Variants in NACA observed in about 807,000 individuals in gnomAD.
NACA encodes nascent polypeptide associated complex subunit alpha, also known as nascent polypeptide-associated complex subunit alpha.
In NACA, 42 loss-of-function variants were observed where a neutral mutation model predicts 86.4. The ratio of observed to expected loss-of-function variants is 0.49; its 90% confidence interval spans 0.38 to 0.63. The LOEUF is 0.63. Among genes scored for constraint, NACA ranks in the 20% least tolerant of loss-of-function variants. The pLI is 0.00. For missense variants in NACA, 2,157 were observed against 2,483.6 expected (o/e 0.87, Z 2.80); for synonymous variants, 898 against 973.7 (o/e 0.92, Z 1.45).
At chr12:56,714,850 T>A in intron 3 of NACA, 163 bp from the exon 4 acceptor site, 1 of 642,838 alleles carries the variant, frequency 1.6e-6, no homozygotes, top group South Asian at 1.8e-5. Flanking sequence ...GCCCCTAACT[T>A]AGTCACTAAC....
rs1953301315 is a variant in NACA at position 56,714,642 on chromosome 12, T to G, written c.5705A>C (p.Glu1902Ala). The G allele has an allele frequency of 6.2e-7, 1 of 1,614,078 alleles. No homozygotes were observed. The highest frequency in any genetic ancestry group is 1.7e-5 in the Admixed American group (1 of 60,010). Residue 1902 changes from glutamate (E) to alanine (A), a missense_variant, in exon 4 of 9, where the codon GAA becomes GCA. Physicochemically the swap from Glu to Ala is moderately radical, Grantham distance 107 (BLOSUM62 -1). Transcript: ENST00000454682. ...SDSDESVPEL[E>A]EQDSTQATTQ... Reference sequence around the variant, plus strand: ...GGTTGCCTGGGTGGAATCCTGTTCTTCAAGCTCTGGTACTGATTCATCACT... The same window carrying G: ...GGTTGCCTGGGTGGAATCCTGTTCTGCAAGCTCTGGTACTGATTCATCACT...
chr12:56,714,353 A>G lies in NACA; in HGVS notation c.5823+9T>C, dbSNP rs1713165634. 6.2e-7 allele frequency: 1 copy of G among 1,613,728 alleles called. No individual in the cohort carries two copies. The highest frequency in any genetic ancestry group is 2.2e-5 in the East Asian group (1 of 44,890). The stretch of plus-strand genomic sequence containing the variant: ...TTCATAAGATCCTGAAATCCTTTTC[A>G]AATCTTACCTTCCGTGCCTTCTTTT... On this transcript the variant is annotated intron_variant, in intron 5 of 8. Coordinates refer to ENST00000454682, the MANE Select transcript of NACA (RefSeq NM_001365896.1).
chr12:56,724,171 C>T (rs1346836547), intron 2 of NACA, among the ~76,000 whole-genome samples: 1 of 152,156 alleles, frequency 6.6e-6, no homozygotes, highest in Non-Finnish European at 1.5e-5. Flanking sequence ...GCTGAGTTTT[C>T]CTATGTGAGG....
At position 56,719,519 on chromosome 12, in the gene NACA, T is replaced by C. The variant is rs1443042746; in HGVS notation, c.2011A>G (p.Thr671Ala). The stretch of plus-strand genomic sequence containing the variant: ...CCTTCTAGAAAAGGGCTGGCTGTAG[T>C]TGTATAAGTTGAGGTACCTTTGGCA... ...TTAKGTSTYT[T>A]TASPFLEGTV... is the part of the protein sequence containing the mutation. The change falls in exon 3 of 9, where the codon ACT (threonine) becomes GCT (alanine). Residue 671 changes from threonine (T) to alanine (A), a missense_variant. Thr to Ala is a moderately conservative substitution (Grantham distance 58). This residue lies in a region of NACA where 947 missense variants were observed against 917.9 expected (regional missense o/e 1.03). Coordinates refer to ENST00000454682, the MANE Select transcript of NACA (RefSeq NM_001365896.1). 9.3e-6 allele frequency: 15 copies of C among 1,613,704 alleles called. No homozygotes were observed. Among genetic ancestry groups the C allele is most frequent in the Non-Finnish European group, 1.3e-5 (15 of 1,179,838 alleles).
At chr12:56,713,748 CATAA>C in intron 5 of NACA, 65 bp from the exon 6 acceptor site, 1 of 1,466,904 alleles carries the variant, frequency 6.8e-7, no homozygotes, top group Non-Finnish European at 9.4e-7. Context: ...AAGCAAGGAA[CATAA>C]TACAACATCC....
intron 3 of NACA, 58 bp downstream of exon 3, chr12:56,715,813 G>A (rs1386172938): frequency 1.1e-5 from 16 of 1,422,378 alleles, no homozygotes; most frequent in South Asian, 3.2e-5. Flanking sequence ...GGTGGGTAGC[G>A]CCCAAGAGGG....
Position 56,720,235 on chromosome 12 carries a change from G to T in NACA, c.1295C>A (p.Pro432His). Residue 432 changes from proline to histidine, a missense_variant, in exon 3 of 9, where the codon CCC becomes CAC. By Grantham distance (77) the Pro-to-His change is moderately conservative (BLOSUM62 -2). This residue lies in a region of NACA where 947 missense variants were observed against 917.9 expected (regional missense o/e 1.03). Coordinates refer to ENST00000454682, the MANE Select transcript of NACA (RefSeq NM_001365896.1). Reference sequence around the variant, plus strand: ...TGGGGTGGTTCCAACAGAAGAAACGGGCATTTGGGCCACTAAAGGATAATG... The same window carrying T: ...TGGGGTGGTTCCAACAGAAGAAACGTGCATTTGGGCCACTAAAGGATAATG... ...TYHYPLVAQMPVSSVGTTPLV... is the reference protein window; with the variant it reads ...TYHYPLVAQMHVSSVGTTPLV... 1 of 1,613,798 alleles carries T rather than the reference G, an allele frequency of 6.2e-7. No homozygotes were observed. Among genetic ancestry groups the T allele is most frequent in the East Asian group, 2.2e-5 (1 of 44,894 alleles).
intron 2 of NACA, among the ~76,000 whole-genome samples, chr12:56,724,214 G>A (rs760527364): frequency 2.5e-4 from 38 of 152,100 alleles, no homozygotes; most frequent in Non-Finnish European, 3.7e-4. Flanking sequence ...CTTTTGAGGC[G>A]ACAGGCATAA....
rs758610280 is a variant in NACA at position 56,718,858 on chromosome 12, A to C, written c.2672T>G (p.Val891Gly). ...PPKETPTPSVVNLPFPKEGPA... is the reference protein window; with the variant it reads ...PPKETPTPSVGNLPFPKEGPA... ...ACCCTCTTTGGGGAAGGGCAGATTC[A>C]CCACTGAAGGAGTGGGGGTCTCTTT... The change falls in exon 3 of 9, where the codon GTG becomes GGG. Residue 891 changes from valine to glycine, a missense_variant. Physicochemically the swap from Val to Gly is moderately radical, Grantham distance 109 (BLOSUM62 -3). This residue lies in a region of NACA where 174 missense variants were observed against 217.0 expected (regional missense o/e 0.80). Coordinates refer to ENST00000454682, the MANE Select transcript of NACA (RefSeq NM_001365896.1). The C allele has an allele frequency of 4.6e-5, 64 of 1,406,384 alleles. No homozygotes were observed. The highest frequency in any genetic ancestry group is 5.9e-5 in the Non-Finnish European group (62 of 1,054,250). The allele number at this position is 1,406,384 out of a possible 1,614,324, so 87.1% of individuals were successfully genotyped here. A position where few individuals can be genotyped will look rare whatever the true frequency, so the allele number is the denominator to read the frequency against.
rs1457028362 is a variant in NACA at position 56,716,283 on chromosome 12, TGCTGTCTTTGAA to T, written c.5235_5246del (p.Ser1746_Ala1749del). 1 of 1,613,292 alleles carries T rather than the reference TGCTGTCTTTGAA, an allele frequency of 6.2e-7. No homozygotes were observed. Among genetic ancestry groups the T allele is most frequent in the Non-Finnish European group, 8.5e-7 (1 of 1,179,850 alleles). The stretch of plus-strand genomic sequence containing the variant: ...GGGAATGAGAAGCATCTTTGCCTTT[TGCTGTCTTTGAA>T]GAGTCTTTCTGAACAGGGAGTAGAG... On this transcript the variant is annotated inframe_deletion, in exon 3 of 9. Transcript: ENST00000454682.
At chr12:56,712,663 G>A (rs977549791) in intron 8 of NACA, 111 bp from the exon 9 acceptor site, 13 of 1,594,548 alleles carry the variant, frequency 8.2e-6, no homozygotes, top group African/African-American at 5.4e-5. Context: ...AAACCTATAC[G>A]GCAACTCAGA....
intron 8 of NACA, 69 bp from the exon 9 acceptor site, chr12:56,712,621 T>G: frequency 6.3e-7 from 1 of 1,599,824 alleles, no homozygotes; most frequent in Non-Finnish European, 8.6e-7. Flanking sequence ...ACTAAAACTC[T>G]TACAGGCAAA....
At chr12:56,715,849 C>T in intron 3 of NACA, 22 bp downstream of exon 3, 1 of 1,504,540 alleles carries the variant, frequency 6.6e-7, no homozygotes, top group South Asian at 1.4e-5. Flanking sequence ...ACACCATGCA[C>T]ACGGCAAACC....
At position 56,717,673 on chromosome 12, in the gene NACA, G is replaced by T. The variant is rs191529968; in HGVS notation, c.3857C>A (p.Ala1286Asp). The T allele has an allele frequency of 6.0e-4, 711 of 1,177,304 alleles. 3 individuals are homozygous for T. In the African/African-American group the frequency reaches 0.011, roughly 18 times the overall value. The allele number at this position is 1,177,304 out of a possible 1,614,324, so 72.9% of individuals were successfully genotyped here. A position where few individuals can be genotyped will look rare whatever the true frequency, so the allele number is the denominator to read the frequency against. Reference protein sequence around the residue: ...GGLATPPHKGAPNPAVVTPPS... With the variant: ...GGLATPPHKGDPNPAVVTPPS... ...AGGAGTTACAACTGCGGGATTGGGGGCCCCTTTGTGGGGTGGGGTAGCTAG... is the reference window on the plus strand; with the variant it reads ...AGGAGTTACAACTGCGGGATTGGGGTCCCCTTTGTGGGGTGGGGTAGCTAG... The change falls in exon 3 of 9, where the codon GCC (alanine) becomes GAC (aspartate). Residue 1286 changes from alanine to aspartate, a missense_variant. Physicochemically the swap from Ala to Asp is moderately radical, Grantham distance 126. This residue lies in a region of NACA where 797 missense variants were observed against 777.6 expected (regional missense o/e 1.02). Transcript: ENST00000454682.
chr12:56,720,898 G>C lies in NACA; in HGVS notation c.632C>G (p.Thr211Ser), dbSNP rs769325048. 3.7e-6 allele frequency: 6 copies of C among 1,613,904 alleles called. No homozygotes were observed. In the Admixed American group the frequency reaches 5.0e-5, roughly 13 times the overall value. The change falls in exon 3 of 9, where the codon ACT (threonine) becomes AGT (serine). Residue 211 changes from threonine to serine, a missense_variant. Physicochemically the swap from Thr to Ser is moderately conservative, Grantham distance 58. Transcript: ENST00000454682. ...GTPSPPCIVSTVPYHCVTPMA... is the reference protein window; with the variant it reads ...GTPSPPCIVSSVPYHCVTPMA... ...GGGAGTCACACAGTGGTAAGGAACA[G>C]TACTGACTATACATGGAGGGCTGGG...
Position 56,721,016 on chromosome 12 carries a change from C to T in NACA, c.514G>A (p.Val172Met). 1 of 1,614,002 alleles carries T rather than the reference C, an allele frequency of 6.2e-7. No individual in the cohort carries two copies. The highest frequency in any genetic ancestry group is 8.5e-7 in the Non-Finnish European group (1 of 1,179,880). ...GCAATGGGAGCTGACAGAGTTATCACTGACCCTGACTCAGCTACAGCCACT... is the reference window on the plus strand; with the variant it reads ...GCAATGGGAGCTGACAGAGTTATCATTGACCCTGACTCAGCTACAGCCACT... Reference protein sequence around the residue: ...PSVAVAESGSVITLSAPIAPS... With the variant: ...PSVAVAESGSMITLSAPIAPS... The change falls in exon 3 of 9, where the codon GTG becomes ATG. Residue 172 changes from valine (V) to methionine (M), a missense_variant. Val to Met is a conservative substitution (Grantham distance 21). This residue lies in a region of NACA where 947 missense variants were observed against 917.9 expected (regional missense o/e 1.03). Coordinates refer to ENST00000454682, the MANE Select transcript of NACA (RefSeq NM_001365896.1).
rs147198460 is a variant in NACA, at chr12:56,722,237, T to C, written c.71-778A>G. ...CACAAAAGGACTGTAATAGTCTCTA[T>C]AAACCTTCCTAGGTGATGTTAATTC... On this transcript the variant is annotated intron_variant, in intron 2 of 8. Transcript: ENST00000454682. Among the ~76,000 whole-genome samples, 10 of 152,346 alleles carry C rather than the reference T, an allele frequency of 6.6e-5. No homozygotes were observed. In the East Asian group the frequency reaches 1.9e-3, roughly 29 times the overall value.
rs1009287289 is a variant in NACA at position 56,712,917 on chromosome 12, T to C, written c.6100-9A>G. 1.2e-6 allele frequency: 2 copies of C among 1,613,942 alleles called. No individual in the cohort carries two copies. Among genetic ancestry groups the C allele is most frequent in the Non-Finnish European group, 1.7e-6 (2 of 1,179,990 alleles). On this transcript the variant is annotated splice_polypyrimidine_tract_variant and intron_variant, in intron 7 of 8. Coordinates refer to ENST00000454682, the MANE Select transcript of NACA (RefSeq NM_001365896.1). ...ACACCTGTTTCATCGACCTGAGAGA[T>C]GAGAGGGAAAAAGCAGTAAATTAAA...
At chr12:56,713,755 C>A in intron 5 of NACA, 72 bp from the exon 6 acceptor site, 1 of 1,453,028 alleles carries the variant, frequency 6.9e-7, no homozygotes, top group Middle Eastern at 1.8e-4. Context: ...GAACATAATA[C>A]AACATCCAAA....
Sources: gnomAD v4.1 joint callset for allele counts (sites outside exome capture counted in the v4.1 genomes callset) on GRCh38, gnomAD v4.1.1 for gene constraint, gnomAD v4.1.1 regional missense constraint, MANE v1.5 for transcripts, NCBI Gene and HGNC (gene_info 2026-07-23, HGNC 2026-07-21) for gene names.